OSBPL1A: variants seen among roughly 807,000 people sequenced by gnomAD.
OSBPL1A encodes the protein oxysterol-binding protein-related protein 1.
OSBPL1A carries 80 observed loss-of-function variants against 137.1 expected under a neutral mutation model. The ratio of observed to expected loss-of-function variants is 0.58; its 90% CI spans 0.49 to 0.70. The LOEUF is 0.70. Ranked by LOEUF, OSBPL1A falls within the 30% of genes least tolerant of loss-of-function variation. OSBPL1A has a pLI of 0.00. For missense variants in OSBPL1A, 970 were observed against 1,129.4 expected, an observed-to-expected ratio of 0.86 and a Z score of 2.02; for synonymous variants, 365 against 389.7, an observed-to-expected ratio of 0.94 and a Z score of 0.75.
chr18:24,287,364 TG>T (rs2090083263), intron 14 of OSBPL1A, among the ~76,000 whole-genome samples: 1 of 152,192 alleles, frequency 6.6e-6, no homozygotes, highest in Non-Finnish European at 1.5e-5. Context: ...AGAGGAGTCT[TG>T]GAAAGGTCTG....
chr18:24,176,645 T>C (rs1437573848), intron 21 of OSBPL1A, among the ~76,000 whole-genome samples: 3 of 152,216 alleles, frequency 2.0e-5, no homozygotes, highest in Admixed American at 1.3e-4. Context: ...TAGTAGGCAA[T>C]TAACAGAGTT....
intron 16 of OSBPL1A, among the ~76,000 whole-genome samples, chr18:24,233,358 C>A (rs2088341039): frequency 6.6e-6 from 1 of 152,108 alleles, no homozygotes; most frequent in African/African-American, 2.4e-5. Context: ...TTTCTAATAT[C>A]AATACTATCT....
chr18:24,204,028 T>C (rs2087296489), intron 17 of OSBPL1A, among the ~76,000 whole-genome samples: 1 of 152,232 alleles, frequency 6.6e-6, no homozygotes, highest in African/African-American at 2.4e-5. Flanking sequence ...TTAAATCTGA[T>C]GCCTTCATTT....
chr18:24,239,037 C>T (rs1489703728), intron 16 of OSBPL1A, among the ~76,000 whole-genome samples, 183 bp downstream of exon 16: 1 of 152,188 alleles, frequency 6.6e-6, no homozygotes, highest in Non-Finnish European at 1.5e-5. Flanking sequence ...CACTTTCAGA[C>T]ACCAGCCTTA....
rs374216938 is a variant in OSBPL1A, at chr18:24,363,884, C to T, written c.282+3008G>A. Among the ~76,000 whole-genome samples, 124 of 151,874 alleles carry T rather than the reference C, an allele frequency of 8.2e-4. 1 individual carries two copies. Among genetic ancestry groups the T allele is most frequent in the African/African-American group, 2.9e-3 (121 of 41,392 alleles). On this transcript the variant is annotated intron_variant, in intron 4 of 27. Transcript: ENST00000319481. The stretch of plus-strand genomic sequence containing the variant: ...AACTCCCGTGCTCAAGTGATCCTTC[C>T]ACCTTGGCCTCCCAAAGTGCTGAGA...
Position 24,341,635 on chromosome 18 carries a change from T to G in OSBPL1A, c.306A>C (p.Glu102Asp), listed in dbSNP as rs753619768. ...TAACAATAGTAGTATCAGCATTATA[T>G]TCTAAGAGAAGCATTACCAACTCCT... is the stretch of plus-strand genomic sequence containing the variant. ...GRKELVMLLL[E>D]YNADTTIVNG... Residue 102 changes from glutamate (E) to aspartate (D), a missense_variant, in exon 5 of 28, where the codon GAA becomes GAC. This residue lies in a region of OSBPL1A where 647 missense variants were observed against 672.6 expected (regional missense o/e 0.96). Transcript: ENST00000319481. 1.2e-6 allele frequency: 2 copies of G among 1,608,382 alleles called. No homozygotes were observed. Among genetic ancestry groups the G allele is most frequent in the Non-Finnish European group, 1.7e-6 (2 of 1,177,694 alleles).
chr18:24,363,156 A>G (rs1462157601), intron 4 of OSBPL1A, among the ~76,000 whole-genome samples: 5 of 152,250 alleles, frequency 3.3e-5, no homozygotes, highest in East Asian at 1.9e-4. Context: ...TACCGCTGCT[A>G]TAACAAATGA....
intron 14 of OSBPL1A, among the ~76,000 whole-genome samples, chr18:24,294,789 A>C (rs1019920938): frequency 9.2e-5 from 14 of 152,186 alleles, no homozygotes; most frequent in Non-Finnish European, 2.9e-5. Context: ...TTGTATAAAT[A>C]CCACGTTATT....
At chr18:24,191,566 TATA>T (rs1432411075) in intron 18 of OSBPL1A, among the ~76,000 whole-genome samples, 7 of 152,252 alleles carry the variant, frequency 4.6e-5, no homozygotes, top group African/African-American at 1.2e-4. Context: ...TCATAAATTT[TATA>T]ATGTTTACAA....
At chr18:24,368,166 G>T in intron 3 of OSBPL1A, 121 bp downstream of exon 3, 1 of 593,880 alleles carries the variant, frequency 1.7e-6, no homozygotes. Flanking sequence ...TGTCTTGAAT[G>T]ATGAACTATT....
intron 18 of OSBPL1A, among the ~76,000 whole-genome samples, chr18:24,187,140 G>C (rs1020746311): frequency 3.9e-5 from 6 of 152,140 alleles, no homozygotes; most frequent in Non-Finnish European, 5.9e-5. Context: ...GAAATTAAAA[G>C]AAGAGGTTCC....
At chr18:24,234,919 T>C (rs1411741530) in intron 16 of OSBPL1A, among the ~76,000 whole-genome samples, 1 of 152,212 alleles carries the variant, frequency 6.6e-6, no homozygotes, top group Admixed American at 6.5e-5. Context: ...CATTGCTCTT[T>C]ACTAACTGTG....
chr18:24,383,209 G>A (rs1293185644), intron 1 of OSBPL1A, among the ~76,000 whole-genome samples: 1 of 152,132 alleles, frequency 6.6e-6, no homozygotes, highest in Non-Finnish European at 1.5e-5. Context: ...ATTTATCACA[G>A]GGGATTTTTA....
intron 16 of OSBPL1A, among the ~76,000 whole-genome samples, chr18:24,228,736 G>A (rs1400810416): frequency 6.6e-6 from 1 of 152,170 alleles, no homozygotes; most frequent in Non-Finnish European, 1.5e-5. Flanking sequence ...CTGACAAGGA[G>A]TAAGAGTGGG....
chr18:24,285,847 T>C (rs2588583), intron 14 of OSBPL1A, among the ~76,000 whole-genome samples: 83,542 of 152,062 alleles, frequency 0.55, 24,166 homozygotes, highest in African/African-American at 0.66. Flanking sequence ...CCTAAATGAT[T>C]GAAGTCCATT....
At chr18:24,371,532 C>T (rs569233286) in intron 2 of OSBPL1A, among the ~76,000 whole-genome samples, 2 of 152,218 alleles carry the variant, frequency 1.3e-5, no homozygotes, top group East Asian at 3.9e-4. Context: ...CTTCTCAGGC[C>T]CTCCTTTTTT....
rs746469530 is a variant in OSBPL1A at position 24,317,326 on chromosome 18, C to T, written c.806+1G>A. ...ATAAGTGTAAAGATCATAATACTTA[C>T]TGTTTCCTATACCATGAAAGGACTC... On this transcript the variant is annotated splice_donor_variant, in intron 10 of 27. Transcript: ENST00000319481. LOFTEE classifies it high-confidence loss of function. 2.9e-5 allele frequency: 47 copies of T among 1,612,812 alleles called. No homozygotes were observed. The highest frequency in any genetic ancestry group is 3.7e-5 in the Non-Finnish European group (44 of 1,179,018).
intron 16 of OSBPL1A, among the ~76,000 whole-genome samples, chr18:24,238,437 T>C (rs2088569586): frequency 6.6e-6 from 1 of 152,218 alleles, no homozygotes; most frequent in South Asian, 2.1e-4. Context: ...TCAAAACTAC[T>C]TAGCAGTACC....
chr18:24,388,837 A>G (rs941301433), intron 1 of OSBPL1A, among the ~76,000 whole-genome samples: 2 of 151,710 alleles, frequency 1.3e-5, no homozygotes, highest in African/African-American at 4.8e-5. Flanking sequence ...AATAACAAAA[A>G]AGGGAGAAAT....
Sources: gnomAD v4.1 joint callset for allele counts (sites outside exome capture counted in the v4.1 genomes callset) on GRCh38, gnomAD v4.1.1 for gene constraint, gnomAD v4.1.1 regional missense constraint, MANE v1.5 for transcripts, NCBI Gene and HGNC (gene_info 2026-07-23, HGNC 2026-07-21) for gene names.